BRD10: variants seen among roughly 807,000 people sequenced by gnomAD.
The protein encoded by BRD10 is uncharacterized bromodomain-containing protein 10.
At chr9:5,894,553 A>G in the BRD10 span, among the ~76,000 whole-genome samples, 2 of 152,108 alleles carry the variant, frequency 1.3e-5, no homozygotes, top group Admixed American at 1.3e-4. This position sits in a 1 kb window ranked among gnomAD's most constrained non-coding sequence, Gnocchi z 4.0. Flanking sequence ...GTGTCTCAAG[A>G]GCTTAGAAGT....
the BRD10 span, among the ~76,000 whole-genome samples, chr9:5,955,958 C>T: frequency 1.9e-4 from 29 of 152,162 alleles, no homozygotes; most frequent in African/African-American, 7.0e-4. Flanking sequence ...ATTTGAATGC[C>T]AAGATGCCTT....
the BRD10 span, among the ~76,000 whole-genome samples, chr9:5,955,326 C>G: frequency 1.3e-5 from 2 of 152,136 alleles, no homozygotes; most frequent in African/African-American, 2.4e-5. Context: ...TTCAGCAATA[C>G]TTTTCTGTCA....
the BRD10 span, chr9:5,922,877 A>G: frequency 1.2e-6 from 2 of 1,613,846 alleles, no homozygotes; most frequent in Admixed American, 3.3e-5. Flanking sequence ...CGGAGGAGAT[A>G]AAACTGGTTT....
chr9:5,953,536 G>T, the BRD10 span, among the ~76,000 whole-genome samples: 1 of 151,922 alleles, frequency 6.6e-6, no homozygotes, highest in African/African-American at 2.4e-5. Context: ...GCTAAGAGTT[G>T]AAAGATTTGT....
the BRD10 span, among the ~76,000 whole-genome samples, chr9:5,912,003 G>T: frequency 6.6e-6 from 1 of 152,188 alleles, no homozygotes; most frequent in African/African-American, 2.4e-5. Flanking sequence ...AACAATAATT[G>T]AGTCTTTCAA....
chr9:5,911,405 G>GT, the BRD10 span, among the ~76,000 whole-genome samples: 15,242 of 103,490 alleles, frequency 0.15, 1,100 homozygotes, highest in African/African-American at 0.23. Flanking sequence ...GTCTATGTGT[G>GT]TTTTTTTTTT....
At chr9:5,918,793 C>T in the BRD10 span, among the ~76,000 whole-genome samples, 1 of 137,124 alleles carries the variant, frequency 7.3e-6, no homozygotes, top group East Asian at 2.1e-4. Flanking sequence ...CCACTACACT[C>T]GAGCCTGGGC....
chr9:6,007,170 C>T, the BRD10 span: 1 of 1,602,068 alleles, frequency 6.2e-7, no homozygotes, highest in African/African-American at 1.3e-5. Flanking sequence ...GTCTGTCAGT[C>T]CCACCGGGGA....
the BRD10 span, among the ~76,000 whole-genome samples, chr9:5,996,162 AATAC>A: frequency 1.3e-5 from 2 of 152,224 alleles, no homozygotes; most frequent in African/African-American, 4.8e-5. Context: ...ACAGTAAATA[AATAC>A]ATATATAAAA....
the BRD10 span, chr9:5,922,830 T>C: frequency 3.7e-6 from 6 of 1,613,874 alleles, no homozygotes; most frequent in African/African-American, 8.0e-5. Flanking sequence ...TTTGTATTGG[T>C]GTGGCAGGTC....
At chr9:5,935,619 A>C in the BRD10 span, among the ~76,000 whole-genome samples, 98,098 of 152,054 alleles carry the variant, frequency 0.65, 33,224 homozygotes, top group Non-Finnish European at 0.78. Context: ...CATATATGCT[A>C]TCAGAAAGAT....
chr9:5,895,479 A>G, the BRD10 span, among the ~76,000 whole-genome samples: 1 of 152,078 alleles, frequency 6.6e-6, no homozygotes, highest in Non-Finnish European at 1.5e-5. Context: ...GAGAATATTT[A>G]TCCTTCTCAC....
the BRD10 span, among the ~76,000 whole-genome samples, chr9:5,911,315 T>C: frequency 6.6e-6 from 1 of 152,100 alleles, no homozygotes; most frequent in Non-Finnish European, 1.5e-5. Context: ...TTTCCCAATG[T>C]ATGTTCTTGG....
At chr9:5,920,745 G>C in the BRD10 span, 18 of 1,613,966 alleles carry the variant, frequency 1.1e-5, no homozygotes, top group African/African-American at 2.1e-4. Flanking sequence ...GTAGTCGCAG[G>C]TGTAGGTAAG....
At chr9:5,885,915 T>C in the BRD10 span, among the ~76,000 whole-genome samples, 7 of 152,182 alleles carry the variant, frequency 4.6e-5, no homozygotes, top group Non-Finnish European at 1.0e-4. Context: ...GCTCCTCCTA[T>C]GAAAGGGCAA....
At chr9:5,931,516 G>C in the BRD10 span, among the ~76,000 whole-genome samples, 1 of 152,138 alleles carries the variant, frequency 6.6e-6, no homozygotes, top group Non-Finnish European at 1.5e-5. Flanking sequence ...ATTATGATCA[G>C]AGAACAGACT....
the BRD10 span, among the ~76,000 whole-genome samples, chr9:5,893,054 T>C: frequency 2.6e-5 from 4 of 152,186 alleles, no homozygotes; most frequent in East Asian, 1.9e-4. Flanking sequence ...AGGAAAGACA[T>C]TGGGTTTTAT....
chr9:5,942,241 C>A, the BRD10 span, among the ~76,000 whole-genome samples: 2 of 151,906 alleles, frequency 1.3e-5, no homozygotes, highest in East Asian at 3.9e-4. Context: ...ATAACGATGA[C>A]CCTCAAGTCA....
the BRD10 span, among the ~76,000 whole-genome samples, chr9:5,887,898 T>C: frequency 6.6e-6 from 1 of 152,232 alleles, no homozygotes; most frequent in Non-Finnish European, 1.5e-5. Flanking sequence ...CCTTTACAGA[T>C]AGGCTCTCCC....
Sources: gnomAD v4.1 joint callset for allele counts (sites outside exome capture counted in the v4.1 genomes callset) on GRCh38, gnomAD v4.1.1 for gene constraint, Gnocchi (gnomAD v3.1) non-coding constraint, MANE v1.5 for transcripts, NCBI Gene and HGNC (gene_info 2026-07-23, HGNC 2026-07-21) for gene names.